Variants in MELK observed in about 807,000 individuals in gnomAD.
The protein encoded by MELK is maternal embryonic leucine zipper kinase, also known as pEg3 kinase.
Under a neutral mutation model 85.0 loss-of-function variants are expected in MELK, and 81 were observed. That is an observed-to-expected ratio of 0.95 (90% CI 0.80 to 1.15). The LOEUF is 1.15. MELK is among the 50% of genes most tolerant of loss of function. The probability of loss-of-function intolerance (pLI) is 0.00; values close to 1 mark genes in which losing one functional copy is unlikely to be tolerated. For missense variants in MELK, 754 were observed against 777.5 expected (o/e 0.97, Z 0.36); for synonymous variants, 252 against 265.0 (o/e 0.95, Z 0.48).
At chr9:36,620,190 G>A (rs1827260746) in intron 8 of MELK, among the ~76,000 whole-genome samples, 1 of 152,176 alleles carries the variant, frequency 6.6e-6, no homozygotes, top group Admixed American at 6.5e-5. Context: ...TCTCAGCTCT[G>A]TAGTTGCTAG....
At chr9:36,613,024 T>C (rs1348722815) in intron 8 of MELK, among the ~76,000 whole-genome samples, 4 of 152,230 alleles carry the variant, frequency 2.6e-5, no homozygotes. Flanking sequence ...CTGTGTGCTG[T>C]GGGTTTTCCC....
intron 8 of MELK, among the ~76,000 whole-genome samples, chr9:36,610,267 C>G (rs114077188): frequency 6.6e-6 from 1 of 152,310 alleles, no homozygotes; most frequent in Non-Finnish European, 1.5e-5. Flanking sequence ...CCATAGAACA[C>G]CAAGTCTAAG....
chr9:36,598,580 G>A (rs373321668), intron 6 of MELK, among the ~76,000 whole-genome samples: 31 of 152,274 alleles, frequency 2.0e-4, no homozygotes, highest in African/African-American at 7.5e-4. Context: ...AGAACTGGAA[G>A]CTAAGGGAGT....
chr9:36,622,095 G>A (rs1279699800), intron 8 of MELK, among the ~76,000 whole-genome samples: 1 of 152,092 alleles, frequency 6.6e-6, no homozygotes, highest in East Asian at 1.9e-4. Context: ...ACTAATACTT[G>A]TATATTCTTT....
At chr9:36,672,066 G>A (rs1007085408) in intron 16 of MELK, among the ~76,000 whole-genome samples, 1 of 152,178 alleles carries the variant, frequency 6.6e-6, no homozygotes, top group Non-Finnish European at 1.5e-5. Context: ...CTCTCGTAAT[G>A]AGCAAATCTG....
At chr9:36,603,960 GT>G (rs993440984) in intron 7 of MELK, among the ~76,000 whole-genome samples, 1 of 151,864 alleles carries the variant, frequency 6.6e-6, no homozygotes, top group African/African-American at 2.4e-5. Context: ...CTTCTTGTGT[GT>G]TTTTTTGTTT....
intron 11 of MELK, among the ~76,000 whole-genome samples, chr9:36,646,662 CAT>C (rs1249849147): frequency 6.6e-6 from 1 of 152,154 alleles, no homozygotes. Flanking sequence ...CTAAGGGTCA[CAT>C]GTGTGTTCGA....
chr9:36,633,530 C>G (rs1828844969), intron 10 of MELK, among the ~76,000 whole-genome samples: 1 of 152,116 alleles, frequency 6.6e-6, no homozygotes, highest in South Asian at 2.1e-4. Flanking sequence ...ATTTATTCAT[C>G]TGTAAAAAGT....
chr9:36,657,939 G>A lies in MELK; in HGVS notation c.1176+576G>A, dbSNP rs1831416887. On this transcript the variant is annotated intron_variant, in intron 13 of 17. Coordinates refer to ENST00000298048, the MANE Select transcript of MELK (RefSeq NM_014791.4). ...GTATACTTTACATGTAGTTAAATAG[G>A]TAAAGTCACCTTTTTTAGTGTGCAA... 2.0e-5 allele frequency among the ~76,000 whole-genome samples: 3 copies of A among 152,122 alleles called. No individual in the cohort carries two copies. In the South Asian group the frequency reaches 6.2e-4, roughly 32 times the overall value.
At chr9:36,577,286 G>A (rs2134771972) in intron 1 of MELK, among the ~76,000 whole-genome samples, 1 of 152,236 alleles carries the variant, frequency 6.6e-6, no homozygotes, top group South Asian at 2.1e-4. Context: ...GCCAAGGAGG[G>A]TGGATCACCT....
intron 14 of MELK, among the ~76,000 whole-genome samples, chr9:36,667,480 T>A (rs947109305): frequency 1.3e-5 from 2 of 152,210 alleles, no homozygotes; most frequent in Non-Finnish European, 2.9e-5. Context: ...TTAAAAAAAA[T>A]TTTAATGCCA....
At chr9:36,663,438 G>A (rs1454976995) in intron 13 of MELK, among the ~76,000 whole-genome samples, 3 of 152,204 alleles carry the variant, frequency 2.0e-5, no homozygotes, top group African/African-American at 7.2e-5. Flanking sequence ...AATTTTCTTA[G>A]ATGCATAGTG....
chr9:36,616,815 C>T (rs1043222846), intron 8 of MELK, among the ~76,000 whole-genome samples: 1 of 147,128 alleles, frequency 6.8e-6, no homozygotes, highest in African/African-American at 2.6e-5. Flanking sequence ...TCTGCTACCC[C>T]CTTCCCAGTT....
At chr9:36,627,578 G>A (rs1168768296) in intron 8 of MELK, among the ~76,000 whole-genome samples, 1 of 148,574 alleles carries the variant, frequency 6.7e-6, no homozygotes, top group Non-Finnish European at 1.5e-5. Flanking sequence ...CCAGGCTGGA[G>A]TGCAATGGCG....
At chr9:36,625,132 C>G (rs1275557773) in intron 8 of MELK, among the ~76,000 whole-genome samples, 1 of 152,094 alleles carries the variant, frequency 6.6e-6, no homozygotes, top group African/African-American at 2.4e-5. Flanking sequence ...TTGCAAACAG[C>G]AGAGGGAAGA....
intron 8 of MELK, among the ~76,000 whole-genome samples, chr9:36,627,524 C>CTTT (rs150933274): frequency 0.011 from 1,499 of 134,470 alleles, 23 homozygotes; most frequent in Non-Finnish European, 0.018. Flanking sequence ...CTCTCTCTCT[C>CTTT]TTTTTTTTTT....
In MELK at chr9:36,677,456, A is replaced by ATC; in HGVS notation, c.*121_*122dup. 2.4e-6 allele frequency: 2 copies of ATC among 840,096 alleles called. No individual in the cohort carries two copies. The highest frequency in any genetic ancestry group is 7.1e-5 in the Admixed American group (2 of 28,324). 52.0% of individuals were successfully genotyped at this position (840,096 alleles called of 1,614,324 possible). ...ACTACCAACTTGTTTCTAAAGAGCT[A>ATC]TCTTAAGACCAATATCTCTTTGTTT... On this transcript the variant is annotated 3_prime_UTR_variant, in exon 18 of 18. Coordinates refer to ENST00000298048, the MANE Select transcript of MELK (RefSeq NM_014791.4).
At chr9:36,630,468 T>G (rs1382900333) in intron 9 of MELK, 101 bp downstream of exon 9, 7 of 923,030 alleles carry the variant, frequency 7.6e-6, no homozygotes, top group Non-Finnish European at 1.2e-5. Context: ...TTGAAAAAAA[T>G]CCCACTCATA....
At position 36,649,356 on chromosome 9, in the gene MELK, G is replaced by A. The variant is rs977064281; in HGVS notation, c.922-2390G>A. On this transcript the variant is annotated intron_variant, in intron 11 of 17. Coordinates refer to ENST00000298048, the MANE Select transcript of MELK (RefSeq NM_014791.4). ...AAAAAAAATAGCCGGGTGTGGTGGC[G>A]GGCGCCTGTAGTCCCAGCTACTCGG... 5.3e-5 allele frequency among the ~76,000 whole-genome samples: 8 copies of A among 152,046 alleles called. No homozygotes were observed. In the East Asian group the frequency reaches 9.7e-4, roughly 18 times the overall value.
Sources: gnomAD v4.1 joint callset for allele counts (sites outside exome capture counted in the v4.1 genomes callset) on GRCh38, gnomAD v4.1.1 for gene constraint, MANE v1.5 for transcripts, NCBI Gene and HGNC (gene_info 2026-07-23, HGNC 2026-07-21) for gene names.